Variants in SAMD12 observed in about 807,000 individuals in gnomAD.
SAMD12 encodes sterile alpha motif domain-containing protein 12.
Under a neutral mutation model 15.0 loss-of-function variants are expected in SAMD12, and 9 were observed. The ratio of observed to expected loss-of-function variants is 0.60; its 90% CI spans 0.36 to 1.05. The LOEUF (loss-of-function observed/expected upper bound fraction) is 1.05, where lower values mean the gene tolerates loss of function less well. SAMD12 is among the 50% of genes least tolerant of loss of function. The pLI, the probability that SAMD12 is intolerant of heterozygous loss-of-function variation, is 0.01. For missense variants in SAMD12, 230 were observed against 234.2 expected (o/e 0.98, Z 0.12); for synonymous variants, 86 against 90.1 (o/e 0.96, Z 0.25).
chr8:118,250,495 A>G (rs917128355), intron 4 of SAMD12, among the ~76,000 whole-genome samples: 1 of 150,256 alleles, frequency 6.7e-6, no homozygotes, highest in Admixed American at 6.6e-5. Flanking sequence ...CCAGGAAGGC[A>G]AAAATGGATT....
At chr8:118,290,027 G>A (rs1050730674) in intron 4 of SAMD12, among the ~76,000 whole-genome samples, 5 of 152,174 alleles carry the variant, frequency 3.3e-5, no homozygotes, top group African/African-American at 1.2e-4. Context: ...GGGTTTGGGT[G>A]TGCACTTTTC....
chr8:118,298,891 G>A (rs1264985993), intron 4 of SAMD12, among the ~76,000 whole-genome samples: 2 of 152,120 alleles, frequency 1.3e-5, no homozygotes, highest in Admixed American at 6.5e-5. Flanking sequence ...GAAGCATTTT[G>A]TTGGTGTATT....
chr8:118,306,837 C>T (rs1472197054), intron 4 of SAMD12, among the ~76,000 whole-genome samples: 6 of 152,144 alleles, frequency 3.9e-5, no homozygotes, highest in Admixed American at 3.9e-4. Context: ...CCTTGATCTT[C>T]CGATCTTATC....
At chr8:118,546,160 T>C (rs570185930) in intron 2 of SAMD12, among the ~76,000 whole-genome samples, 4 of 152,288 alleles carry the variant, frequency 2.6e-5, no homozygotes, top group Admixed American at 2.6e-4. Flanking sequence ...CACAGGGTAC[T>C]ATCAGAGAAT....
intron 2 of SAMD12, among the ~76,000 whole-genome samples, chr8:118,552,974 G>C (rs1826395105): frequency 6.6e-6 from 1 of 151,928 alleles, no homozygotes; most frequent in Non-Finnish European, 1.5e-5. Flanking sequence ...CAACTTACAA[G>C]GGACATGAAG....
At chr8:118,531,077 C>G (rs1225488973) in intron 2 of SAMD12, among the ~76,000 whole-genome samples, 1 of 152,204 alleles carries the variant, frequency 6.6e-6, no homozygotes, top group African/African-American at 2.4e-5. Context: ...ATGTTTAAGT[C>G]TTTAATCCAT....
downstream of SAMD12, among the ~76,000 whole-genome samples, chr8:118,377,766 A>G (rs1819461383): frequency 1.3e-5 from 2 of 152,204 alleles, no homozygotes; most frequent in South Asian, 4.1e-4. Context: ...AAAGGCACAC[A>G]TAATGCGTCA....
chr8:118,328,717 G>A (rs1816674784), intron 4 of SAMD12, among the ~76,000 whole-genome samples: 1 of 152,162 alleles, frequency 6.6e-6, no homozygotes, highest in Admixed American at 6.5e-5. Flanking sequence ...CATCAACAGT[G>A]AGAAGTCATG....
chr8:118,444,092 T>C (rs1037115273), intron 2 of SAMD12, among the ~76,000 whole-genome samples: 1 of 152,164 alleles, frequency 6.6e-6, no homozygotes, highest in Non-Finnish European at 1.5e-5. Flanking sequence ...TGCTGGGTTT[T>C]TTCTTCCCGC....
Position 118,600,804 on chromosome 8 carries a change from A to T in SAMD12, c.14-19911T>A, listed in dbSNP as rs576876003. 7.0e-4 allele frequency among the ~76,000 whole-genome samples: 106 copies of T among 151,246 alleles called. 1 individual carries two copies. Among genetic ancestry groups the T allele is most frequent in the African/African-American group, 2.6e-3 (106 of 41,212 alleles). On this transcript the variant is annotated intron_variant, in intron 1 of 3. Transcript: ENST00000314727. ...ATTTGTGCTTTTTTTTTTAGATCTG[A>T]TTTTTTTTAAGTGGTTGTGAAACAT...
At chr8:118,257,125 C>G (rs1330147641) in intron 4 of SAMD12, among the ~76,000 whole-genome samples, 4 of 152,118 alleles carry the variant, frequency 2.6e-5, no homozygotes, top group Admixed American at 6.6e-5. Context: ...GATGGCTGCT[C>G]TCTGTTATGA....
At chr8:118,212,203 T>C (rs1811847599) in intron 4 of SAMD12, among the ~76,000 whole-genome samples, 1 of 152,082 alleles carries the variant, frequency 6.6e-6, no homozygotes, top group East Asian at 1.9e-4. Flanking sequence ...GGCAAGATCA[T>C]AGTGCACTGT....
chr8:118,564,779 T>A (rs1427402152), intron 2 of SAMD12, among the ~76,000 whole-genome samples: 1 of 152,222 alleles, frequency 6.6e-6, no homozygotes, highest in Non-Finnish European at 1.5e-5. Context: ...AGGGACACTA[T>A]GAAAGTTTAT....
chr8:118,229,175 T>C (rs960463687), intron 4 of SAMD12, among the ~76,000 whole-genome samples: 7 of 152,044 alleles, frequency 4.6e-5, no homozygotes, highest in Non-Finnish European at 8.8e-5. Context: ...ACTACAAATA[T>C]GGTGCAGTGT....
the SAMD12 span, among the ~76,000 whole-genome samples, chr8:118,140,791 A>T: frequency 6.6e-6 from 1 of 152,210 alleles, no homozygotes; most frequent in African/African-American, 2.4e-5. Flanking sequence ...GTAGGCCATG[A>T]TAATTAAAAG....
rs563907956 is a variant in SAMD12 at position 118,309,798 on chromosome 8, T to C, written c.433+69762A>G. Among the ~76,000 whole-genome samples, 24 of 152,328 alleles carry C rather than the reference T, an allele frequency of 1.6e-4. No homozygotes were observed. The Middle Eastern group carries it at 0.01, about 65-fold the overall frequency. On this transcript the variant is annotated intron_variant, in intron 4 of 4. Coordinates refer to the SAMD12 transcript ENST00000409003. Reference sequence around the variant, plus strand: ...CTTAGCTCCTGGGTCTCTGATGACATTAGTCCCATATTTTCTGTCTTGTGT... The same window carrying C: ...CTTAGCTCCTGGGTCTCTGATGACACTAGTCCCATATTTTCTGTCTTGTGT...
At chr8:118,476,022 T>C (rs1823949312) in intron 2 of SAMD12, among the ~76,000 whole-genome samples, 1 of 152,176 alleles carries the variant, frequency 6.6e-6, no homozygotes, top group South Asian at 2.1e-4. Context: ...TAAGTAATAG[T>C]ATAAAACATC....
intron 4 of SAMD12, among the ~76,000 whole-genome samples, chr8:118,319,780 T>C (rs191883775): frequency 4.2e-4 from 64 of 152,250 alleles, no homozygotes; most frequent in Admixed American, 2.5e-3. Context: ...AATCAAAAGA[T>C]AGATGCAGGA....
intron 2 of SAMD12, among the ~76,000 whole-genome samples, chr8:118,523,303 T>G (rs1190938612): frequency 6.6e-6 from 1 of 152,176 alleles, no homozygotes; most frequent in East Asian, 1.9e-4. Flanking sequence ...ACAAGTCTAC[T>G]GATAGGTCCA....
Sources: gnomAD v4.1 joint callset for allele counts (sites outside exome capture counted in the v4.1 genomes callset) on GRCh38, gnomAD v4.1.1 for gene constraint, MANE v1.5 for transcripts, NCBI Gene and HGNC (gene_info 2026-07-23, HGNC 2026-07-21) for gene names.